The following NLGN1 variants were observed in gnomAD, a reference collection of about 807,000 sequenced individuals.
NLGN1 encodes neuroligin-1.
In NLGN1, 12 loss-of-function variants were observed where a neutral mutation model predicts 65.5. The observed-to-expected ratio is 0.18, with a 90% CI of 0.12 to 0.30. NLGN1 has a LOEUF of 0.30. NLGN1 is among the 10% of genes least tolerant of loss of function. The pLI is 1.00. For synonymous variants in NLGN1, 350 were observed against 359.5 expected, an observed-to-expected ratio of 0.97 and a Z score of 0.30; for missense variants, 750 against 1,007.1, an observed-to-expected ratio of 0.74 and a Z score of 3.46.
At chr3:173,793,129 T>C (rs1051543225) in intron 3 of NLGN1, among the ~76,000 whole-genome samples, 1 of 152,140 alleles carries the variant, frequency 6.6e-6, no homozygotes, top group African/African-American at 2.4e-5. Context: ...GGTTTGCCAC[T>C]ATTAATAACT....
At chr3:173,759,617 G>A (rs1777660174) in intron 3 of NLGN1, among the ~76,000 whole-genome samples, 1 of 151,838 alleles carries the variant, frequency 6.6e-6, no homozygotes, top group Non-Finnish European at 1.5e-5. Flanking sequence ...CATCTACTGA[G>A]GCAAAAAGCC....
At chr3:173,603,612 G>T (rs550436271) in intron 2 of NLGN1, among the ~76,000 whole-genome samples, 7 of 152,130 alleles carry the variant, frequency 4.6e-5, no homozygotes, top group Non-Finnish European at 8.8e-5. Context: ...TTTACAAATT[G>T]TATCTAATGC....
chr3:173,776,004 T>C (rs1268172867), intron 3 of NLGN1, among the ~76,000 whole-genome samples: 1 of 152,120 alleles, frequency 6.6e-6, no homozygotes, highest in African/African-American at 2.4e-5. Flanking sequence ...TATACACACT[T>C]TCTACTATCA....
intron 2 of NLGN1, among the ~76,000 whole-genome samples, chr3:173,449,079 C>T (rs1577526907): frequency 6.6e-6 from 1 of 152,062 alleles, no homozygotes; most frequent in Non-Finnish European, 1.5e-5. Context: ...CTGCTCTGAT[C>T]TTAGTTATTT....
intron 4 of NLGN1, among the ~76,000 whole-genome samples, chr3:173,845,570 A>G (rs1426820686): frequency 3.9e-5 from 6 of 151,914 alleles, no homozygotes; most frequent in African/African-American, 1.4e-4. Flanking sequence ...ATAGATAGGT[A>G]GATGGGTAGA....
chr3:173,458,942 G>A (rs561421209), intron 2 of NLGN1, among the ~76,000 whole-genome samples: 1 of 152,134 alleles, frequency 6.6e-6, no homozygotes, highest in East Asian at 1.9e-4. Flanking sequence ...CCTTTGAGAA[G>A]ACACTAGCAG....
At chr3:173,418,778 A>G (rs1714324818) in intron 1 of NLGN1, among the ~76,000 whole-genome samples, 1 of 151,978 alleles carries the variant, frequency 6.6e-6, no homozygotes, top group Non-Finnish European at 1.5e-5. Flanking sequence ...ATTAACCCAT[A>G]TGTTCTTTAG....
chr3:174,002,048 C>T (rs1723397447), intron 4 of NLGN1, among the ~76,000 whole-genome samples: 1 of 136,672 alleles, frequency 7.3e-6, no homozygotes, highest in Admixed American at 7.5e-5. Flanking sequence ...ATCACCTAGA[C>T]AGATTTAAAA....
chr3:174,063,767 T>G (rs546605142), intron 4 of NLGN1, among the ~76,000 whole-genome samples: 1 of 152,196 alleles, frequency 6.6e-6, no homozygotes, highest in East Asian at 1.9e-4. Context: ...GTTGGTAAAT[T>G]TAGGACAAAC....
At chr3:174,133,893 A>AACACACACAC (rs5854553) in intron 4 of NLGN1, among the ~76,000 whole-genome samples, 8,443 of 144,772 alleles carry the variant, frequency 0.058, 296 homozygotes, top group East Asian at 0.12. Context: ...CACCCCACAA[A>AACACACACAC]ACACACACAC....
chr3:173,506,872 A>G (rs1732110601), intron 2 of NLGN1, among the ~76,000 whole-genome samples: 1 of 152,124 alleles, frequency 6.6e-6, no homozygotes. Flanking sequence ...CTTTTTAAGG[A>G]GGAGACTCTA....
intron 4 of NLGN1, among the ~76,000 whole-genome samples, chr3:174,197,132 GAA>G (rs1165212024): frequency 2.6e-5 from 4 of 152,140 alleles, no homozygotes; most frequent in Non-Finnish European, 5.9e-5. Context: ...CAGAAGGTGA[GAA>G]AGTTTTATAT....
chr3:173,583,923 G>GT (rs148049020), intron 2 of NLGN1, among the ~76,000 whole-genome samples: 1,698 of 152,194 alleles, frequency 0.011, 38 homozygotes, highest in African/African-American at 0.039. Context: ...AATTTTAAAT[G>GT]TTTTTCTAAA....
intron 4 of NLGN1, among the ~76,000 whole-genome samples, chr3:173,996,819 T>C (rs1214304887): frequency 6.6e-6 from 1 of 152,148 alleles, no homozygotes; most frequent in Non-Finnish European, 1.5e-5. Flanking sequence ...ACAAACTTTG[T>C]GTTATGTTTT....
intron 4 of NLGN1, among the ~76,000 whole-genome samples, chr3:173,927,441 C>A (rs942630644): frequency 2.0e-5 from 3 of 151,992 alleles, no homozygotes; most frequent in Non-Finnish European, 4.4e-5. Flanking sequence ...AGTGTGAATC[C>A]TCCCCTTCTA....
chr3:174,161,809 T>C (rs1435985003), intron 4 of NLGN1, among the ~76,000 whole-genome samples: 2 of 151,910 alleles, frequency 1.3e-5, no homozygotes, highest in African/African-American at 4.8e-5. Context: ...ATGGAACTGA[T>C]AGAAGACAAA....
intron 4 of NLGN1, among the ~76,000 whole-genome samples, chr3:174,116,254 A>G (rs769723548): frequency 1.3e-5 from 2 of 150,802 alleles, no homozygotes; most frequent in Non-Finnish European, 2.9e-5. Flanking sequence ...CAACATCACT[A>G]TCATCTTACA....
intron 4 of NLGN1, among the ~76,000 whole-genome samples, chr3:174,117,124 T>A (rs565293591): frequency 6.6e-6 from 1 of 152,190 alleles, no homozygotes; most frequent in East Asian, 1.9e-4. Flanking sequence ...AATCTTGAAT[T>A]TTCAATGATA....
At chr3:174,063,162 A>C (rs1324412529) in intron 4 of NLGN1, among the ~76,000 whole-genome samples, 1 of 152,170 alleles carries the variant, frequency 6.6e-6, no homozygotes, top group Non-Finnish European at 1.5e-5. Context: ...CTGATCTCTC[A>C]TGAGAATTAA....
Sources: gnomAD v4.1 joint callset for allele counts (sites outside exome capture counted in the v4.1 genomes callset) on GRCh38, gnomAD v4.1.1 for gene constraint, MANE v1.5 for transcripts, NCBI Gene and HGNC (gene_info 2026-07-23, HGNC 2026-07-21) for gene names.